The following AFF1 variants were observed in gnomAD, a reference collection of about 807,000 sequenced individuals.
AFF1 encodes ALF transcription elongation factor 1.
In AFF1, 48 loss-of-function variants were observed where a neutral mutation model predicts 121.7. That is an observed-to-expected ratio of 0.39 (90% CI 0.31 to 0.50). The LOEUF is 0.50. AFF1 is among the 20% of genes least tolerant of loss of function. The probability of loss-of-function intolerance (pLI) is 0.76; values close to 1 mark genes in which losing one functional copy is unlikely to be tolerated. For synonymous variants in AFF1, 613 were observed against 563.0 expected, an observed-to-expected ratio of 1.09 and a Z score of -1.26; for missense variants, 1,523 against 1,511.7, an observed-to-expected ratio of 1.01 and a Z score of -0.12.
At chr4:87,087,681 C>A (rs1472267434) in intron 5 of AFF1, among the ~76,000 whole-genome samples, 2 of 152,144 alleles carry the variant, frequency 1.3e-5, no homozygotes, top group Non-Finnish European at 1.5e-5. Context: ...TATATAAATC[C>A]TTTCAGACTA....
chr4:87,051,822 A>G (rs1194735936), intron 4 of AFF1, among the ~76,000 whole-genome samples: 1 of 152,106 alleles, frequency 6.6e-6, no homozygotes, highest in Non-Finnish European at 1.5e-5. Context: ...TAGGTTCTTG[A>G]TGATACAGCT....
chr4:87,054,333 C>T (rs1052377593), intron 4 of AFF1, among the ~76,000 whole-genome samples: 1 of 152,138 alleles, frequency 6.6e-6, no homozygotes, highest in Non-Finnish European at 1.5e-5. Flanking sequence ...GCACAAGGAT[C>T]ACACTGAACT....
chr4:87,113,988 T>G (rs1726817815), intron 11 of AFF1, among the ~76,000 whole-genome samples: 1 of 152,252 alleles, frequency 6.6e-6, no homozygotes, highest in African/African-American at 2.4e-5. Flanking sequence ...CTGCAAATAC[T>G]TGATGAAATG....
chr4:87,003,016 T>A (rs1012592576), intron 2 of AFF1, among the ~76,000 whole-genome samples: 1 of 152,214 alleles, frequency 6.6e-6, no homozygotes, highest in Non-Finnish European at 1.5e-5. Context: ...TTGGAAATAA[T>A]AATGCCCATG....
chr4:87,013,164 C>T (rs982564797), intron 2 of AFF1, among the ~76,000 whole-genome samples: 6 of 142,532 alleles, frequency 4.2e-5, no homozygotes, highest in East Asian at 3.9e-4. Flanking sequence ...CCTCAGCCTC[C>T]GGAGTAGCTG....
intron 2 of AFF1, chr4:87,036,842 C>A (rs368479451): frequency 2.0e-6 from 1 of 500,434 alleles, no homozygotes. Context: ...CCCCATCCCC[C>A]CTTTTTTTGA....
At chr4:87,021,389 T>C (rs932315073) in intron 2 of AFF1, among the ~76,000 whole-genome samples, 7 of 152,346 alleles carry the variant, frequency 4.6e-5, no homozygotes, top group African/African-American at 1.7e-4. Context: ...TTGCCTCAGT[T>C]TATCCAGAAG....
chr4:86,978,411 T>C (rs1723478412), intron 2 of AFF1, among the ~76,000 whole-genome samples: 1 of 151,944 alleles, frequency 6.6e-6, no homozygotes, highest in South Asian at 2.1e-4. Flanking sequence ...CTTGAACTCC[T>C]GACTTCATGA....
In AFF1 at chr4:87,134,498, C is replaced by T. The variant is rs1480023549; in HGVS notation, c.3339C>T (p.Ser1113=). The change falls in exon 20 of 21, where the codon TCC becomes TCT. Residue 1113 remains serine, a synonymous_variant. Transcript: ENST00000395146. Reference sequence around the variant, plus strand: ...GCACAGGCACACCATCCCCTCTTTCCCCAATGCCTTCTCCTGCCAGCTCCG... The same window carrying T: ...GCACAGGCACACCATCCCCTCTTTCTCCAATGCCTTCTCCTGCCAGCTCCG... ...ARSTGTPSPL[S]PMPSPASSVG... The T allele has an allele frequency of 6.2e-7, 1 of 1,609,348 alleles. No homozygotes were observed. The highest frequency in any genetic ancestry group is 1.8e-4 in the Middle Eastern group (1 of 5,446).
chr4:87,022,638 G>A (rs35652281), intron 2 of AFF1, among the ~76,000 whole-genome samples: 43,369 of 64,240 alleles, frequency 0.68, 14,369 homozygotes, highest in Non-Finnish European at 0.79. Context: ...ATATGTGCGT[G>A]TATATATGTG....
At chr4:87,078,609 A>G (rs1222629248) in intron 4 of AFF1, among the ~76,000 whole-genome samples, 1 of 152,202 alleles carries the variant, frequency 6.6e-6, no homozygotes, top group African/African-American at 2.4e-5. Flanking sequence ...CTGAAGCTTT[A>G]GTAGGAATTA....
In AFF1 at chr4:87,130,936, T is replaced by A. The variant is rs565917149; in HGVS notation, c.2965-147T>A. 144 of 1,093,240 alleles carry A rather than the reference T, an allele frequency of 1.3e-4. No individual in the cohort carries two copies. In the African/African-American group the frequency reaches 2.0e-3, roughly 15 times the overall value. 67.7% of individuals were successfully genotyped at this position (1,093,240 alleles called of 1,614,324 possible). A position where few individuals can be genotyped will look rare whatever the true frequency, so the allele number is the denominator to read the frequency against. On this transcript the variant is annotated intron_variant, in intron 16 of 20. Transcript: ENST00000395146. ...CAGGTCATAGCTGACAGGCTTTGGTTATCATTTTTAGTTCATTCATCCTCA... is the reference window on the plus strand; with the variant it reads ...CAGGTCATAGCTGACAGGCTTTGGTAATCATTTTTAGTTCATTCATCCTCA...
intron 2 of AFF1, chr4:87,007,432 G>A (rs773341614): frequency 2.5e-6 from 4 of 1,614,066 alleles, no homozygotes; most frequent in Non-Finnish European, 3.4e-6. Flanking sequence ...AAGGTAAGCC[G>A]TGCACCGGAG....
intron 4 of AFF1, among the ~76,000 whole-genome samples, chr4:87,069,694 G>C (rs948510218): frequency 8.0e-6 from 1 of 124,836 alleles, no homozygotes; most frequent in Non-Finnish European, 1.6e-5. Flanking sequence ...TGGTGAGAGT[G>C]ACAGTAGAGA....
At chr4:87,068,257 G>GCCCCCCCCCCC (rs70957204) in intron 4 of AFF1, among the ~76,000 whole-genome samples, 14 of 120,132 alleles carry the variant, frequency 1.2e-4, no homozygotes, top group South Asian at 2.7e-4. Flanking sequence ...CATGAAAATT[G>GCCCCCCCCCCC]CCCCCCCCCC....
At position 87,126,299 on chromosome 4, in the gene AFF1, T is replaced by C. The variant is rs748193514; in HGVS notation, c.2774T>C (p.Val925Ala). 2 of 1,612,096 alleles carry C rather than the reference T, an allele frequency of 1.2e-6. No individual in the cohort carries two copies. Among genetic ancestry groups the C allele is most frequent in the African/African-American group, 2.7e-5 (2 of 74,218 alleles). The change falls in exon 14 of 21, where the codon GTA becomes GCA. Residue 925 changes from valine (V) to alanine (A), a missense_variant. By Grantham distance (64) the Val-to-Ala change is moderately conservative. Transcript: ENST00000395146. ...TCTTCCATTCCCAAGCAGAGAAGAG[T>C]AGAGGGGAAGGGCTCCAGAAGCTCC... is the stretch of plus-strand genomic sequence containing the variant. Reference protein sequence around the residue: ...KDSSIPKQRRVEGKGSRSSSE... With the variant: ...KDSSIPKQRRAEGKGSRSSSE...
intron 2 of AFF1, among the ~76,000 whole-genome samples, chr4:86,995,569 C>T (rs1470448452): frequency 6.6e-6 from 1 of 152,050 alleles, no homozygotes; most frequent in African/African-American, 2.4e-5. Context: ...CAGCCTCGGC[C>T]TCCCGAGGTG....
At chr4:86,984,028 C>T (rs1724003905) in intron 2 of AFF1, among the ~76,000 whole-genome samples, 1 of 151,864 alleles carries the variant, frequency 6.6e-6, no homozygotes, top group South Asian at 2.1e-4. Context: ...CAGAGCGAGA[C>T]TCCATCTCAA....
At chr4:87,011,131 C>G (rs1036412898) in intron 2 of AFF1, among the ~76,000 whole-genome samples, 1 of 151,912 alleles carries the variant, frequency 6.6e-6, no homozygotes, top group African/African-American at 2.4e-5. Flanking sequence ...ACCTGAGAAC[C>G]CCTGGCCCTT....
Sources: gnomAD v4.1 joint callset for allele counts (sites outside exome capture counted in the v4.1 genomes callset) on GRCh38, gnomAD v4.1.1 for gene constraint, MANE v1.5 for transcripts, NCBI Gene and HGNC (gene_info 2026-07-23, HGNC 2026-07-21) for gene names.